Variants in HYCC1 observed in about 807,000 individuals in gnomAD.
The protein encoded by HYCC1 is hyccin PI4KA lipid kinase complex subunit 1, also known as hyccin.
the HYCC1 span, among the ~76,000 whole-genome samples, chr7:22,904,569 A>C: frequency 1.3e-5 from 2 of 152,214 alleles, no homozygotes; most frequent in South Asian, 4.1e-4. Context: ...TCACATTTTA[A>C]AGGAAAATAT....
the HYCC1 span, among the ~76,000 whole-genome samples, chr7:22,925,833 G>A: frequency 1.3e-5 from 2 of 152,080 alleles, no homozygotes; most frequent in Non-Finnish European, 2.9e-5. Flanking sequence ...TACAGAGAAT[G>A]CTACAAAGAT....
chr7:22,910,179 A>G, the HYCC1 span, among the ~76,000 whole-genome samples: 3 of 152,150 alleles, frequency 2.0e-5, no homozygotes, highest in South Asian at 4.1e-4. Flanking sequence ...GTGATCCTCA[A>G]TGTTGGAGGT....
chr7:22,904,654 A>G, the HYCC1 span, among the ~76,000 whole-genome samples: 1 of 151,838 alleles, frequency 6.6e-6, no homozygotes, highest in African/African-American at 2.4e-5. Context: ...GGTAAGTTAT[A>G]AAGAAAAGAG....
At chr7:22,969,003 A>T in the HYCC1 span, among the ~76,000 whole-genome samples, 4 of 152,034 alleles carry the variant, frequency 2.6e-5, no homozygotes, top group African/African-American at 9.7e-5. Context: ...ACAAAAAAAA[A>T]AGTGGACAAT....
At chr7:22,914,207 C>T in the HYCC1 span, among the ~76,000 whole-genome samples, 3 of 152,180 alleles carry the variant, frequency 2.0e-5, no homozygotes, top group African/African-American at 4.8e-5. Context: ...GTCTGATCAC[C>T]GCGGGGACGC....
At chr7:22,978,426 T>C in the HYCC1 span, 1 of 1,613,932 alleles carries the variant, frequency 6.2e-7, no homozygotes, top group Non-Finnish European at 8.5e-7. Context: ...TTCAAAGAGC[T>C]GGTGACAGAC....
chr7:22,906,376 G>A, the HYCC1 span, among the ~76,000 whole-genome samples: 3 of 151,986 alleles, frequency 2.0e-5, no homozygotes, highest in African/African-American at 4.8e-5. Context: ...TCAGGAGTTC[G>A]AGACCAGCCT....
the HYCC1 span, among the ~76,000 whole-genome samples, chr7:22,910,399 G>C: frequency 7.9e-5 from 12 of 152,154 alleles, no homozygotes; most frequent in Non-Finnish European, 1.5e-4. Flanking sequence ...AATTTCCTGA[G>C]GCCTCACCAG....
the HYCC1 span, among the ~76,000 whole-genome samples, chr7:23,004,907 G>C: frequency 6.6e-6 from 1 of 152,124 alleles, no homozygotes; most frequent in African/African-American, 2.4e-5. Context: ...CCGGGTTCAA[G>C]CGATTCTCCT....
chr7:23,009,016 A>C, the HYCC1 span, among the ~76,000 whole-genome samples: 1 of 152,082 alleles, frequency 6.6e-6, no homozygotes, highest in South Asian at 2.1e-4. Flanking sequence ...TAAAAAGAAA[A>C]TTCACATCAA....
At chr7:22,960,991 C>T in the HYCC1 span, among the ~76,000 whole-genome samples, 38 of 152,264 alleles carry the variant, frequency 2.5e-4, 1 homozygote, top group African/African-American at 9.1e-4. Context: ...GCGGAGGTTG[C>T]GGAGAGCCGA....
chr7:22,920,075 C>T, the HYCC1 span, among the ~76,000 whole-genome samples: 3 of 152,142 alleles, frequency 2.0e-5, no homozygotes, highest in African/African-American at 7.2e-5. Context: ...TGCCTGTAAT[C>T]CCAGCACTTT....
the HYCC1 span, among the ~76,000 whole-genome samples, chr7:22,985,205 T>C: frequency 6.6e-6 from 1 of 152,222 alleles, no homozygotes; most frequent in Non-Finnish European, 1.5e-5. Context: ...TCTCATATCC[T>C]AGTATTTCAA....
At chr7:22,950,223 T>C in the HYCC1 span, among the ~76,000 whole-genome samples, 1 of 151,992 alleles carries the variant, frequency 6.6e-6, no homozygotes, top group Non-Finnish European at 1.5e-5. Context: ...GAAGTCTCCC[T>C]TGGTCAACCC....
the HYCC1 span, chr7:22,961,309 A>T: frequency 6.4e-7 from 1 of 1,571,584 alleles, no homozygotes; most frequent in Non-Finnish European, 8.7e-7. Flanking sequence ...GCTAGATCCC[A>T]TTCTCCATTA....
At chr7:22,982,532 C>G in the HYCC1 span, among the ~76,000 whole-genome samples, 2 of 152,172 alleles carry the variant, frequency 1.3e-5, no homozygotes, top group African/African-American at 4.8e-5. Context: ...GGATATGTTA[C>G]TTTACCACTG....
At chr7:22,945,191 C>T in the HYCC1 span, 1 of 266,698 alleles carries the variant, frequency 3.7e-6, no homozygotes, top group South Asian at 4.5e-5. Flanking sequence ...CTCTGAAGGC[C>T]AAACACACAG....
the HYCC1 span, among the ~76,000 whole-genome samples, chr7:22,952,823 G>A: frequency 2.0e-5 from 3 of 151,856 alleles, no homozygotes; most frequent in South Asian, 2.1e-4. Context: ...CACAGGATGG[G>A]ACCCTGCAGT....
At chr7:22,945,245 A>G in the HYCC1 span, 1 of 324,092 alleles carries the variant, frequency 3.1e-6, no homozygotes, top group East Asian at 7.6e-5. Context: ...AAACCAAAAC[A>G]AGAAAAACCA....
Sources: allele counts gnomAD v4.1 joint callset (sites outside exome capture counted in the v4.1 genomes callset), GRCh38; gene constraint gnomAD v4.1.1; transcripts MANE v1.5; gene names NCBI Gene and HGNC (gene_info 2026-07-23, HGNC 2026-07-21).